Variants in ASIC2 observed in about 807,000 individuals in gnomAD.
ASIC2 encodes acid-sensing ion channel 2.
A neutral mutation model predicts 57.3 loss-of-function variants in ASIC2; 25 were observed. The observed-to-expected ratio is 0.44, with a 90% CI of 0.32 to 0.61. ASIC2 has a LOEUF of 0.61. Ranked by LOEUF, ASIC2 falls within the 20% of genes least tolerant of loss-of-function variation. The probability of loss-of-function intolerance (pLI) is 0.06; values close to 1 mark genes in which losing one functional copy is unlikely to be tolerated. For missense variants in ASIC2, 641 were observed against 738.1 expected (o/e 0.87, Z 1.52); for synonymous variants, 319 against 307.5 (o/e 1.04, Z -0.39).
At chr17:33,579,424 G>A (rs1408854507) in intron 1 of ASIC2, among the ~76,000 whole-genome samples, 1 of 152,148 alleles carries the variant, frequency 6.6e-6, no homozygotes, top group South Asian at 2.1e-4. Context: ...AAAACAAGGA[G>A]ATATAGACTA....
chr17:33,204,931 G>T (rs1416094189), intron 1 of ASIC2, among the ~76,000 whole-genome samples: 1 of 152,190 alleles, frequency 6.6e-6, no homozygotes, highest in Non-Finnish European at 1.5e-5. Flanking sequence ...TTTGATCCCT[G>T]GGTTGAGCCA....
intron 1 of ASIC2, among the ~76,000 whole-genome samples, chr17:34,127,959 G>T (rs1911837442): frequency 6.6e-6 from 1 of 152,078 alleles, no homozygotes; most frequent in African/African-American, 2.4e-5. Flanking sequence ...TTCTAGCTGT[G>T]TGACTGTGGG....
intron 1 of ASIC2, chr17:34,071,046 C>T (rs1193567334): frequency 6.6e-6 from 1 of 152,160 alleles, no homozygotes; most frequent in Non-Finnish European, 1.5e-5. Context: ...GAAGATATGA[C>T]GTACTTCTCA....
At chr17:33,455,107 G>A (rs984451305) in intron 1 of ASIC2, among the ~76,000 whole-genome samples, 3 of 152,150 alleles carry the variant, frequency 2.0e-5, no homozygotes, top group African/African-American at 7.2e-5. Context: ...GTTGTATACA[G>A]GTATCCTAAT....
At chr17:33,700,643 C>T (rs987567791) in intron 1 of ASIC2, among the ~76,000 whole-genome samples, 3 of 152,160 alleles carry the variant, frequency 2.0e-5, no homozygotes, top group Admixed American at 6.5e-5. Context: ...GAAGCTGGCA[C>T]GTAGTAAGCA....
chr17:33,995,168 G>A (rs1158080641), intron 1 of ASIC2, among the ~76,000 whole-genome samples: 1 of 152,178 alleles, frequency 6.6e-6, no homozygotes, highest in East Asian at 1.9e-4. Context: ...TCCCACTGGA[G>A]CTGTGAAGCA....
rs1490115026 is a variant in ASIC2, at chr17:33,180,335, G to A, written c.709-68268C>T. 4.6e-5 allele frequency among the ~76,000 whole-genome samples: 7 copies of A among 152,208 alleles called. No homozygotes were observed. In the East Asian group the frequency reaches 1.3e-3, roughly 29 times the overall value. On this transcript the variant is annotated intron_variant, in intron 1 of 9. Coordinates refer to ENST00000225823, the MANE Select transcript of ASIC2 (RefSeq NM_183377.2). ...TCCCAGGCCTCACAATGAGGGGAAG[G>A]AGCATGGTCTGAATTAGGGTAACCA...
chr17:33,957,973 G>C (rs72821051), intron 1 of ASIC2, among the ~76,000 whole-genome samples: 14,034 of 152,228 alleles, frequency 0.092, 869 homozygotes, highest in Middle Eastern at 0.17. Flanking sequence ...ATTCCGAAAG[G>C]GAGAAATTGG....
intron 1 of ASIC2, among the ~76,000 whole-genome samples, chr17:33,641,290 G>A (rs1906555279): frequency 6.6e-6 from 1 of 152,196 alleles, no homozygotes; most frequent in Non-Finnish European, 1.5e-5. Flanking sequence ...GATTGAAAAT[G>A]CAAACAAAAC....
Position 33,484,904 on chromosome 17 carries a change from A to G in ASIC2, c.556-372837T>C, listed in dbSNP as rs58682350. 2.5e-3 allele frequency among the ~76,000 whole-genome samples: 379 copies of G among 152,386 alleles called. 3 individuals carry two copies. Among genetic ancestry groups the G allele is most frequent in the African/African-American group, 8.4e-3 (349 of 41,592 alleles). On this transcript the variant is annotated intron_variant, in intron 1 of 9. Coordinates refer to the ASIC2 transcript ENST00000359872. ...CCTACGTGTAATTAAAAGTAGATAT[A>G]AATACAACTGCAAAACTGCCCTGAG...
At chr17:33,413,383 T>C (rs1308971633) in intron 1 of ASIC2, among the ~76,000 whole-genome samples, 3 of 152,222 alleles carry the variant, frequency 2.0e-5, no homozygotes, top group African/African-American at 7.2e-5. Context: ...CAACAAGCTT[T>C]CTTAAATGTC....
At chr17:33,491,482 A>G (rs1007049134) in intron 1 of ASIC2, among the ~76,000 whole-genome samples, 9 of 152,198 alleles carry the variant, frequency 5.9e-5, no homozygotes, top group African/African-American at 2.2e-4. Flanking sequence ...GACTATTTCT[A>G]TGGGAGAGCG....
At chr17:33,529,195 A>G (rs1308693368) in intron 1 of ASIC2, among the ~76,000 whole-genome samples, 1 of 152,194 alleles carries the variant, frequency 6.6e-6, no homozygotes, top group African/African-American at 2.4e-5. Flanking sequence ...AGTTAAAAGT[A>G]TAGCAATTAT....
intron 1 of ASIC2, among the ~76,000 whole-genome samples, chr17:33,317,132 G>A (rs1597679924): frequency 6.6e-6 from 1 of 152,228 alleles, no homozygotes; most frequent in African/African-American, 2.4e-5. Flanking sequence ...GCTAATTAAA[G>A]CAATTAATCA....
At chr17:33,026,613 G>A (rs2091860157) in intron 4 of ASIC2, among the ~76,000 whole-genome samples, 1 of 152,182 alleles carries the variant, frequency 6.6e-6, no homozygotes, top group Non-Finnish European at 1.5e-5. Context: ...TGAGATGTCA[G>A]TATTAGTGTC....
chr17:34,034,945 A>T (rs1211762498), intron 1 of ASIC2, among the ~76,000 whole-genome samples: 3 of 152,096 alleles, frequency 2.0e-5, no homozygotes, highest in African/African-American at 7.3e-5. Flanking sequence ...GCCCAAGGTA[A>T]TTTATAGATT....
At chr17:33,751,072 A>C (rs986538915) in intron 1 of ASIC2, among the ~76,000 whole-genome samples, 1 of 152,190 alleles carries the variant, frequency 6.6e-6, no homozygotes, top group Non-Finnish European at 1.5e-5. Flanking sequence ...TATGTTAATC[A>C]GCTTGGAAGC....
At chr17:33,890,612 A>G (rs1914938658) in intron 1 of ASIC2, among the ~76,000 whole-genome samples, 1 of 152,176 alleles carries the variant, frequency 6.6e-6, no homozygotes. Flanking sequence ...ATGCTGCTTC[A>G]GAGTCCAGGT....
intron 1 of ASIC2, among the ~76,000 whole-genome samples, chr17:34,080,679 C>T (rs1417046028): frequency 6.6e-6 from 1 of 152,166 alleles, no homozygotes; most frequent in Non-Finnish European, 1.5e-5. Flanking sequence ...TGAGGGTTAA[C>T]AAATGTGTCA....
Sources: gnomAD v4.1 joint callset for allele counts (sites outside exome capture counted in the v4.1 genomes callset) on GRCh38, gnomAD v4.1.1 for gene constraint, MANE v1.5 for transcripts, NCBI Gene and HGNC (gene_info 2026-07-23, HGNC 2026-07-21) for gene names.